PCDH15: variants seen among roughly 807,000 people sequenced by gnomAD.
PCDH15 encodes the protein protocadherin-15.
In PCDH15, 129 loss-of-function variants were observed where a neutral mutation model predicts 178.5. The ratio of observed to expected loss-of-function variants is 0.72; its 90% CI spans 0.63 to 0.84. PCDH15 has a LOEUF of 0.84. Ranked by LOEUF, PCDH15 falls within the 40% of genes least tolerant of loss-of-function variation. The pLI is 0.00. For missense variants in PCDH15, 2,230 were observed against 2,099.9 expected, an observed-to-expected ratio of 1.06 and a Z score of -1.21; for synonymous variants, 800 against 732.0, an observed-to-expected ratio of 1.09 and a Z score of -1.50.
At chr10:54,189,372 C>A in intron 11 of PCDH15, 1 of 1,570,166 alleles carries the variant, frequency 6.4e-7, no homozygotes, top group East Asian at 2.3e-5. Context: ...ACAGGAACTC[C>A]ACTGGGTGGA....
At chr10:54,835,553 C>G (rs1013189398) in intron 3 of PCDH15, among the ~76,000 whole-genome samples, 2 of 152,076 alleles carry the variant, frequency 1.3e-5, no homozygotes, top group African/African-American at 4.8e-5. Context: ...ACAAACACCA[C>G]CAACATACAC....
At chr10:55,279,925 T>A (rs1316275059) in intron 1 of PCDH15, among the ~76,000 whole-genome samples, 1 of 152,174 alleles carries the variant, frequency 6.6e-6, no homozygotes, top group Non-Finnish European at 1.5e-5. Context: ...AGAGATGGCA[T>A]TTTTTAATAT....
chr10:55,193,945 A>T (rs61327172), intron 1 of PCDH15, among the ~76,000 whole-genome samples: 1,523 of 152,124 alleles, frequency 0.01, 34 homozygotes, highest in African/African-American at 0.035. Flanking sequence ...ATGCTAAAAC[A>T]TAATTTACTG....
intron 8 of PCDH15, among the ~76,000 whole-genome samples, chr10:54,290,886 G>A (rs1021497805): frequency 1.3e-5 from 2 of 152,160 alleles, no homozygotes; most frequent in Non-Finnish European, 2.9e-5. Flanking sequence ...GGAACACCCA[G>A]ATTCATAAAG....
chr10:55,236,227 C>T (rs948462913), intron 1 of PCDH15, among the ~76,000 whole-genome samples: 1 of 151,770 alleles, frequency 6.6e-6, no homozygotes, highest in African/African-American at 2.4e-5. Flanking sequence ...TAAATGGTAA[C>T]CATGAGTATT....
intron 14 of PCDH15, among the ~76,000 whole-genome samples, chr10:54,138,039 CA>C (rs1485368200): frequency 5.9e-5 from 9 of 152,274 alleles, no homozygotes; most frequent in African/African-American, 2.2e-4. Context: ...TGAAATTTGA[CA>C]TCTGCACCCG....
intron 2 of PCDH15, among the ~76,000 whole-genome samples, chr10:55,529,740 A>AATATATATATAT (rs1841400952): frequency 5.0e-5 from 1 of 19,920 alleles, no homozygotes; most frequent in Non-Finnish European, 9.0e-5. Flanking sequence ...TTTGTCTGTG[A>AATATATATATAT]GTATATATAT....
intron 18 of PCDH15, among the ~76,000 whole-genome samples, chr10:54,040,580 A>G (rs770409891): frequency 6.6e-6 from 1 of 152,018 alleles, no homozygotes; most frequent in Non-Finnish European, 1.5e-5. Context: ...TGTTCTGTGA[A>G]TGAAGTTGGA....
intron 1 of PCDH15, among the ~76,000 whole-genome samples, chr10:55,195,671 A>T (rs1840076460): frequency 6.6e-6 from 1 of 150,854 alleles, no homozygotes; most frequent in African/African-American, 2.4e-5. Context: ...AAAAAAAAAA[A>T]AGTAGTAAAG....
chr10:53,840,222 G>C (rs1199332272), intron 29 of PCDH15, 98 bp downstream of exon 29: 5 of 1,369,788 alleles, frequency 3.7e-6, no homozygotes, highest in Admixed American at 3.4e-5. Context: ...TAACTATTTG[G>C]TGGGTTTTAA....
In PCDH15 at chr10:54,420,967, G is replaced by A. The variant is rs982350277; in HGVS notation, c.158-42025C>T. ...CATTGGTAGAGATAGGCTTTAATAGGCATTTGAATGTCTCCCTCAACCTGG... is the reference window on the plus strand; with the variant it reads ...CATTGGTAGAGATAGGCTTTAATAGACATTTGAATGTCTCCCTCAACCTGG... On this transcript the variant is annotated intron_variant, in intron 3 of 37. Transcript: ENST00000644397. Among the ~76,000 whole-genome samples, 4 of 151,956 alleles carry A rather than the reference G, an allele frequency of 2.6e-5. 1 individual carries two copies. The highest frequency in any genetic ancestry group is 2.6e-4 in the Admixed American group (4 of 15,222).
intron 2 of PCDH15, among the ~76,000 whole-genome samples, chr10:55,017,239 A>G (rs1840203827): frequency 6.6e-6 from 1 of 152,140 alleles, no homozygotes; most frequent in South Asian, 2.1e-4. Flanking sequence ...CATTCAGCAC[A>G]ATGCAGAAAT....
chr10:55,011,471 G>T (rs980311195), intron 2 of PCDH15, among the ~76,000 whole-genome samples: 2 of 151,968 alleles, frequency 1.3e-5, no homozygotes, highest in Admixed American at 6.6e-5. Context: ...GAAAACTAAG[G>T]TCTCTTCTAA....
chr10:55,129,380 G>T (rs980230937), intron 2 of PCDH15, among the ~76,000 whole-genome samples: 5 of 152,078 alleles, frequency 3.3e-5, no homozygotes, highest in African/African-American at 9.7e-5. Context: ...AGGCAGTAAA[G>T]GGCTGAGAAC....
chr10:54,536,679 T>C (rs1236301089), intron 2 of PCDH15, among the ~76,000 whole-genome samples: 2 of 152,162 alleles, frequency 1.3e-5, no homozygotes, highest in Non-Finnish European at 2.9e-5. Context: ...CCAGTGTCTA[T>C]TACTGACATC....
chr10:55,485,210 A>G (rs1055566598), intron 2 of PCDH15, among the ~76,000 whole-genome samples: 1 of 151,714 alleles, frequency 6.6e-6, no homozygotes, highest in Non-Finnish European at 1.5e-5. Context: ...AATCCTGTTG[A>G]AAACTGGGTG....
chr10:55,468,259 T>C (rs894533010), intron 2 of PCDH15: 2 of 152,278 alleles, frequency 1.3e-5, no homozygotes, highest in East Asian at 3.9e-4. Context: ...TAAGTCTGCC[T>C]AGTGACTTTT....
At chr10:55,448,383 C>T (rs1839363171) in intron 2 of PCDH15, among the ~76,000 whole-genome samples, 1 of 151,838 alleles carries the variant, frequency 6.6e-6, no homozygotes, top group Non-Finnish European at 1.5e-5. Flanking sequence ...TTTCAAAGTA[C>T]AATTCTTTAA....
intron 8 of PCDH15, among the ~76,000 whole-genome samples, chr10:54,250,508 C>A (rs752671336): frequency 6.6e-6 from 1 of 151,470 alleles, no homozygotes; most frequent in Non-Finnish European, 1.5e-5. Flanking sequence ...TGGTCTCGAT[C>A]TCCTGACCTC....
Sources: allele counts gnomAD v4.1 joint callset (sites outside exome capture counted in the v4.1 genomes callset), GRCh38; gene constraint gnomAD v4.1.1; transcripts MANE v1.5; gene names NCBI Gene and HGNC (gene_info 2026-07-23, HGNC 2026-07-21).